Variants in DZANK1 observed in about 807,000 individuals in gnomAD.
The protein encoded by DZANK1 is double zinc ribbon and ankyrin repeat-containing protein 1.
A neutral mutation model predicts 94.5 loss-of-function variants in DZANK1; 91 were observed. That is an observed-to-expected ratio of 0.96 (90% CI 0.81 to 1.15). The LOEUF is 1.15. DZANK1 is among the 50% of genes most tolerant of loss of function. The pLI is 0.00. For synonymous variants in DZANK1, 312 were observed against 325.3 expected (o/e 0.96, Z 0.44); for missense variants, 903 against 916.4 (o/e 0.99, Z 0.19).
In DZANK1 at chr20:18,412,666, G is replaced by A. The variant is rs374751305; in HGVS notation, c.1412C>T (p.Thr471Ile). 84 of 1,612,810 alleles carry A rather than the reference G, an allele frequency of 5.2e-5. No homozygotes were observed. The highest frequency in any genetic ancestry group is 8.3e-5 in the Admixed American group (5 of 60,010). ...CTTACCTCTTCCTGGGCTGATGGCT[G>A]TCAGGAGGGGTTTATGGTCACTCAT... Residue 471 changes from threonine to isoleucine, a missense_variant, in exon 13 of 21, where the codon ACA becomes ATA. Coordinates refer to ENST00000262547, the Ensembl canonical transcript of DZANK1.
At chr20:18,460,205 G>A (rs749112722) in exon 3 of DZANK1, 3 of 1,592,966 alleles carry the variant, frequency 1.9e-6, no homozygotes, top group Non-Finnish European at 2.6e-6. Context: ...AGAGTAATAG[G>A]TTTTATATAC....
chr20:18,425,353 C>T (rs1341248880), intron 10 of DZANK1, among the ~76,000 whole-genome samples: 1 of 152,132 alleles, frequency 6.6e-6, no homozygotes, highest in Non-Finnish European at 1.5e-5. Context: ...GCGTTTGAGA[C>T]TAGCCTGGCC....
chr20:18,463,006 C>A (rs1312335174), intron 2 of DZANK1, among the ~76,000 whole-genome samples: 1 of 149,140 alleles, frequency 6.7e-6, no homozygotes, highest in East Asian at 2.0e-4. Flanking sequence ...AATCCCATTA[C>A]TGGGTATGTA....
chr20:18,391,759 T>C (rs1008160554), intron 17 of DZANK1, among the ~76,000 whole-genome samples: 2 of 152,220 alleles, frequency 1.3e-5, no homozygotes. Context: ...TGTGAAGCCA[T>C]GGCCATGAGG....
At chr20:18,446,002 T>C (rs1421081677) in intron 7 of DZANK1, among the ~76,000 whole-genome samples, 1 of 149,760 alleles carries the variant, frequency 6.7e-6, no homozygotes, top group African/African-American at 2.5e-5. Context: ...TGGCCTCAAG[T>C]GATCCTCCCA....
At chr20:18,406,401 C>A (rs189306398) in intron 13 of DZANK1, among the ~76,000 whole-genome samples, 1 of 152,318 alleles carries the variant, frequency 6.6e-6, no homozygotes, top group East Asian at 1.9e-4. Flanking sequence ...GTAAGGCCCC[C>A]CTTCTAGGCC....
At chr20:18,385,115 A>G (rs761348934) in intron 19 of DZANK1, 25 bp from the exon 20 acceptor site, 1 of 1,550,154 alleles carries the variant, frequency 6.5e-7, no homozygotes, top group South Asian at 1.2e-5. Context: ...AAAATCCTGG[A>G]TAAATCCTTA....
Position 18,433,641 on chromosome 20 carries a change from C to T in DZANK1, c.861+11G>A. On this transcript the variant is annotated intron_variant, in intron 9 of 20. Coordinates refer to ENST00000262547, the Ensembl canonical transcript of DZANK1. ...TTTCATTCATGTTTTTACAGAATCACATTTCATTACCTTCAAGTGGAGGCT... is the reference window on the plus strand; with the variant it reads ...TTTCATTCATGTTTTTACAGAATCATATTTCATTACCTTCAAGTGGAGGCT... 1.2e-6 allele frequency: 2 copies of T among 1,610,776 alleles called. No individual in the cohort carries two copies. The highest frequency in any genetic ancestry group is 1.7e-6 in the Non-Finnish European group (2 of 1,176,936).
At position 18,453,779 on chromosome 20, in the gene DZANK1, T is replaced by C. The variant is rs762531915; in HGVS notation, c.427A>G (p.Asn143Asp). 13 of 1,612,936 alleles carry C rather than the reference T, an allele frequency of 8.1e-6. No homozygotes were observed. The highest frequency in any genetic ancestry group is 4.2e-6 in the Non-Finnish European group (5 of 1,179,138). ...TTCCAGCTGCGTTGATTTTCAGAGT[T>C]CTTATATTTTTTCTTTAGTTTTGAT... is the stretch of plus-strand genomic sequence containing the variant. Residue 143 changes from asparagine (N) to aspartate (D), a missense_variant, in exon 5 of 21, where the codon AAC (asparagine) becomes GAC (aspartate). Coordinates refer to ENST00000262547, the Ensembl canonical transcript of DZANK1.
chr20:18,422,330 T>C (rs2057820330), intron 10 of DZANK1, among the ~76,000 whole-genome samples: 1 of 152,222 alleles, frequency 6.6e-6, no homozygotes, highest in East Asian at 1.9e-4. Context: ...TTGGCACTTT[T>C]GTTGAAAATC....
intron 2 of DZANK1, among the ~76,000 whole-genome samples, chr20:18,461,884 G>A (rs1247727607): frequency 6.6e-6 from 1 of 152,082 alleles, no homozygotes; most frequent in Non-Finnish European, 1.5e-5. Context: ...ACAGGTGTGA[G>A]CCACCATGCC....
chr20:18,452,777 G>A, intron 5 of DZANK1, 38 bp from the exon 6 acceptor site: 1 of 1,522,250 alleles, frequency 6.6e-7, no homozygotes, highest in Non-Finnish European at 8.8e-7. Context: ...TTGAGCATCT[G>A]TAATTATACA....
At chr20:18,384,347 C>T in exon 21 of DZANK1, 3 of 1,536,374 alleles carry the variant, frequency 2.0e-6, no homozygotes, top group Non-Finnish European at 1.8e-6. Context: ...GCGTAAGCCA[C>T]TGTGCCAGCC....
At chr20:18,391,734 C>A (rs932691145) in intron 17 of DZANK1, among the ~76,000 whole-genome samples, 1 of 152,190 alleles carries the variant, frequency 6.6e-6, no homozygotes, top group African/African-American at 2.4e-5. Context: ...ATAATACCTT[C>A]CCTGTCCTTG....
chr20:18,415,030 A>G (rs6136369), intron 11 of DZANK1, among the ~76,000 whole-genome samples: 17,707 of 152,232 alleles, frequency 0.12, 1,625 homozygotes, highest in East Asian at 0.54. Context: ...AAATAAATAC[A>G]TAGTCTTGAG....
Position 18,385,013 on chromosome 20 carries a change from T to C in DZANK1, c.2093+3A>G, listed in dbSNP as rs141853901. The C allele has an allele frequency of 1.2e-3, 1,791 of 1,552,432 alleles. 13 individuals are homozygous for C. In the African/African-American group the frequency reaches 0.021, roughly 18 times the overall value. ...AGTATCCATCAGAGGCCAGGGGACA[T>C]ACCCCAGTAAAGTGGCGGTGCTCTC... is the stretch of plus-strand genomic sequence containing the variant. On this transcript the variant is annotated splice_donor_region_variant and intron_variant, in intron 20 of 20. Transcript: ENST00000262547.
chr20:18,418,612 T>C (rs1389417096), intron 10 of DZANK1, among the ~76,000 whole-genome samples: 1 of 152,206 alleles, frequency 6.6e-6, no homozygotes, highest in Non-Finnish European at 1.5e-5. Flanking sequence ...GTTTGCTTTG[T>C]TTTAGTAGGC....
At chr20:18,424,417 T>C (rs1233497038) in intron 10 of DZANK1, among the ~76,000 whole-genome samples, 1 of 148,980 alleles carries the variant, frequency 6.7e-6, no homozygotes, top group Admixed American at 6.7e-5. Flanking sequence ...ATTGTGCCAC[T>C]GCACTCCAGC....
chr20:18,430,070 A>T lies in DZANK1; in HGVS notation c.862-2911T>A, dbSNP rs10485581. On this transcript the variant is annotated intron_variant, in intron 9 of 20. Coordinates refer to ENST00000262547, the Ensembl canonical transcript of DZANK1. ...TTAACAGAGCCACTTAGTCACTGGG[A>T]TAAAACTTTTCCTTTTAAAATAGTT... 2.4e-3 allele frequency among the ~76,000 whole-genome samples: 362 copies of T among 152,360 alleles called. 5 individuals are homozygous for T. The highest frequency in any genetic ancestry group is 0.02 in the Admixed American group (305 of 15,306).
Sources: gnomAD v4.1 joint callset for allele counts (sites outside exome capture counted in the v4.1 genomes callset) on GRCh38, gnomAD v4.1.1 for gene constraint, MANE v1.5 for transcripts, NCBI Gene and HGNC (gene_info 2026-07-23, HGNC 2026-07-21) for gene names.